GAN: variants seen among roughly 807,000 people sequenced by gnomAD.
GAN encodes gigaxonin.
In GAN, 48 loss-of-function variants were observed where a neutral mutation model predicts 71.3. The ratio of observed to expected loss-of-function variants is 0.67; its 90% CI spans 0.53 to 0.86. The LOEUF is 0.86. GAN is among the 40% of genes least tolerant of loss of function. The probability of loss-of-function intolerance (pLI) is 0.00; values close to 1 mark genes in which losing one functional copy is unlikely to be tolerated. For missense variants in GAN, 928 were observed against 770.1 expected (o/e 1.21, Z -2.43); for synonymous variants, 386 against 276.8 (o/e 1.39, Z -3.92).
chr16:81,357,110 ATT>A, intron 4 of GAN, 108 bp downstream of exon 4: 7 of 665,122 alleles, frequency 1.1e-5, no homozygotes, highest in South Asian at 1.7e-5. Context: ...ATTACATTTG[ATT>A]TTTTTTTTTA....
At chr16:81,357,336 T>C (rs1219128397) in intron 4 of GAN, among the ~76,000 whole-genome samples, 1 of 152,170 alleles carries the variant, frequency 6.6e-6, no homozygotes, top group Non-Finnish European at 1.5e-5. Context: ...AGTTCCCACC[T>C]ATGAGTGAGA....
chr16:81,336,932 T>C (rs975870116), intron 1 of GAN, among the ~76,000 whole-genome samples: 1 of 152,058 alleles, frequency 6.6e-6, no homozygotes, highest in Admixed American at 6.6e-5. Flanking sequence ...TGAACCTACA[T>C]TGGCACATCA....
chr16:81,351,297 C>G (rs903605385), intron 1 of GAN, among the ~76,000 whole-genome samples: 7 of 152,180 alleles, frequency 4.6e-5, no homozygotes, highest in African/African-American at 1.7e-4. Context: ...CCTAAAGGGA[C>G]TGGGATTTCC....
Position 81,356,953 on chromosome 16 carries a change from C to A in GAN, c.802C>A (p.Pro268Thr). 2 of 1,613,424 alleles carry A rather than the reference C, an allele frequency of 1.2e-6. No homozygotes were observed. Among genetic ancestry groups the A allele is most frequent in the Non-Finnish European group, 1.7e-6 (2 of 1,179,668 alleles). The change falls in exon 4 of 11, where the codon CCC becomes ACC. Residue 268 changes from proline to threonine, a missense_variant. By Grantham distance (38) the Pro-to-Thr change is conservative. Coordinates refer to ENST00000648994, the MANE Select transcript of GAN (RefSeq NM_022041.4). ...GGAGGCGATGCTGGCCAACTTCAAA[C>A]CCCGGGGCTACTCTGAGTGCATCGT... ...QGEAMLANFK[P>T]RGYSECIVTV...
intron 1 of GAN, among the ~76,000 whole-genome samples, chr16:81,340,868 C>G (rs529813294): frequency 2.0e-5 from 3 of 152,004 alleles, no homozygotes; most frequent in Admixed American, 6.5e-5. Context: ...ATGTTTTAAC[C>G]CATCGCAAGG....
chr16:81,358,331 A>G (rs557364165), intron 5 of GAN, among the ~76,000 whole-genome samples: 3 of 152,310 alleles, frequency 2.0e-5, no homozygotes, highest in African/African-American at 7.2e-5. Flanking sequence ...TATGTTATAT[A>G]AGGCCGAGTG....
intron 5 of GAN, among the ~76,000 whole-genome samples, chr16:81,360,787 GA>G (rs1211566617): frequency 1.3e-5 from 2 of 151,752 alleles, no homozygotes; most frequent in Non-Finnish European, 2.9e-5. Context: ...CACCCAACTT[GA>G]AAAAAATCAT....
At chr16:81,347,186 CAGGCAAAT>C in intron 1 of GAN, among the ~76,000 whole-genome samples, 1 of 152,278 alleles carries the variant, frequency 6.6e-6, no homozygotes. Context: ...ATAAAAGCAT[CAGGCAAAT>C]AGATACACCT....
At chr16:81,316,695 G>C (rs544810983) in intron 1 of GAN, among the ~76,000 whole-genome samples, 1 of 152,258 alleles carries the variant, frequency 6.6e-6, no homozygotes, top group Admixed American at 6.5e-5. Context: ...TCTTTAAATG[G>C]CATCCGTTTG....
intron 1 of GAN, among the ~76,000 whole-genome samples, chr16:81,332,959 GC>G (rs1909636346): frequency 1.3e-5 from 2 of 152,090 alleles, no homozygotes; most frequent in Non-Finnish European, 2.9e-5. Flanking sequence ...TAGGTTTAGG[GC>G]CGAGTGCAAT....
At chr16:81,354,929 T>G (rs544802882) in intron 3 of GAN, among the ~76,000 whole-genome samples, 174 bp downstream of exon 3, 1 of 152,348 alleles carries the variant, frequency 6.6e-6, no homozygotes, top group East Asian at 1.9e-4. Flanking sequence ...CAGACCAGTC[T>G]GCAAAAGCCC....
intron 9 of GAN, among the ~76,000 whole-genome samples, chr16:81,367,528 C>T (rs758200643): frequency 2.0e-5 from 3 of 152,140 alleles, no homozygotes; most frequent in Non-Finnish European, 4.4e-5. Flanking sequence ...GACCCTGTCT[C>T]TAAATAAATA....
rs1904392239 is a variant in GAN, at chr16:81,386,096, T to C, written c.*8500T>C. On this transcript the variant is annotated 3_prime_UTR_variant, in exon 11 of 11. Transcript: ENST00000648994. ...TATCACCTCTCTCCATCTACATCTC[T>C]AGTATTTAAATTCAACACAATTCTA... 6.6e-6 allele frequency: 1 copy of C among 152,216 alleles called. No homozygotes were observed. The highest frequency in any genetic ancestry group is 1.5e-5 in the Non-Finnish European group (1 of 68,028). The allele number at this position is 152,216 out of a possible 1,614,324, so 9.4% of individuals were successfully genotyped here. A position where few individuals can be genotyped will look rare whatever the true frequency, so the allele number is the denominator to read the frequency against.
intron 9 of GAN, among the ~76,000 whole-genome samples, chr16:81,371,701 C>T (rs1453984327): frequency 1.3e-5 from 2 of 152,132 alleles, no homozygotes. Context: ...ACCCCTTTTC[C>T]TGATTGCTGA....
At chr16:81,337,245 C>G (rs75835999) in intron 1 of GAN, among the ~76,000 whole-genome samples, 2,813 of 152,208 alleles carry the variant, frequency 0.018, 51 homozygotes, top group East Asian at 0.082. Context: ...ATCTCAGGGT[C>G]CGTTCCTGAT....
chr16:81,332,215 C>A (rs1408004725), intron 1 of GAN, among the ~76,000 whole-genome samples: 2 of 151,680 alleles, frequency 1.3e-5, no homozygotes, highest in Non-Finnish European at 2.9e-5. Context: ...GCTAGAGAAG[C>A]TTTCAGGAAC....
At chr16:81,376,688 G>C (rs1567501039) in intron 9 of GAN, among the ~76,000 whole-genome samples, 1 of 150,822 alleles carries the variant, frequency 6.6e-6, no homozygotes, top group South Asian at 2.1e-4. Flanking sequence ...GTGTATATGT[G>C]TATATATATG....
intron 1 of GAN, among the ~76,000 whole-genome samples, chr16:81,341,463 G>C (rs779855413): frequency 5.3e-5 from 8 of 152,212 alleles, no homozygotes; most frequent in Non-Finnish European, 1.0e-4. Flanking sequence ...CAAACCAGAA[G>C]AGAGTGGGGG....
At chr16:81,355,864 T>C (rs1910468830) in intron 3 of GAN, among the ~76,000 whole-genome samples, 1 of 152,238 alleles carries the variant, frequency 6.6e-6, no homozygotes, top group South Asian at 2.1e-4. Flanking sequence ...CCCATAAGTA[T>C]GCATGTTTAG....
Sources: allele counts gnomAD v4.1 joint callset (sites outside exome capture counted in the v4.1 genomes callset), GRCh38; gene constraint gnomAD v4.1.1; transcripts MANE v1.5; gene names NCBI Gene and HGNC (gene_info 2026-07-23, HGNC 2026-07-21).